Variants in ITGB5 observed in about 807,000 individuals in gnomAD.
ITGB5 encodes the protein integrin beta-5.
A neutral mutation model predicts 84.8 loss-of-function variants in ITGB5; 38 were observed. The ratio of observed to expected loss-of-function variants is 0.45; its 90% CI spans 0.35 to 0.59. ITGB5 has a LOEUF of 0.59. ITGB5 is among the 20% of genes least tolerant of loss of function. The pLI is 0.01. For synonymous variants in ITGB5, 393 were observed against 414.4 expected (o/e 0.95, Z 0.63); for missense variants, 905 against 1,034.5 (o/e 0.87, Z 1.72).
intron 10 of ITGB5, among the ~76,000 whole-genome samples, chr3:124,794,395 A>G (rs1387139256): frequency 1.3e-5 from 2 of 152,218 alleles, no homozygotes; most frequent in Admixed American, 6.5e-5. Context: ...CTTCTGAACC[A>G]CAGTTCTAAA....
chr3:124,838,606 AT>A (rs1054501469), intron 5 of ITGB5, among the ~76,000 whole-genome samples: 131 of 147,278 alleles, frequency 8.9e-4, no homozygotes, highest in Middle Eastern at 3.5e-3. Flanking sequence ...AGTCATTAAA[AT>A]TTTTTTTTTT....
intron 9 of ITGB5, among the ~76,000 whole-genome samples, chr3:124,798,009 T>G (rs907917883): frequency 6.6e-6 from 1 of 151,776 alleles, no homozygotes; most frequent in Non-Finnish European, 1.5e-5. Flanking sequence ...AAAAACCACT[T>G]TCAGCTATTA....
At chr3:124,773,437 G>GTGTT (rs1354417715) in intron 11 of ITGB5, among the ~76,000 whole-genome samples, 3 of 152,216 alleles carry the variant, frequency 2.0e-5, no homozygotes, top group African/African-American at 7.2e-5. Context: ...ATTTCTAAAC[G>GTGTT]TGTTTAGGAA....
intron 1 of ITGB5, among the ~76,000 whole-genome samples, chr3:124,881,084 AG>A (rs1934545531): frequency 6.6e-6 from 1 of 151,778 alleles, no homozygotes; most frequent in African/African-American, 2.4e-5. Flanking sequence ...CCAAAGTTCA[AG>A]CGATCCTCCT....
At chr3:124,781,910 G>A (rs1224974519) in intron 10 of ITGB5, among the ~76,000 whole-genome samples, 3 of 152,192 alleles carry the variant, frequency 2.0e-5, no homozygotes, top group Admixed American at 1.3e-4. Flanking sequence ...CCTGCTGGCT[G>A]TGGGCAGCGG....
chr3:124,796,795 T>G lies in ITGB5; in HGVS notation c.1286A>C (p.Glu429Ala), dbSNP rs1478804009. The G allele has an allele frequency of 6.2e-7, 1 of 1,606,186 alleles. No individual in the cohort carries two copies. Among genetic ancestry groups the G allele is most frequent in the Admixed American group, 1.7e-5 (1 of 59,620 alleles). The part of the protein sequence containing the change: ...GDTASFEVSL[E>A]ARSCPSRHTE... The stretch of plus-strand genomic sequence containing the variant: ...GTGTCTGCTGGGACAGCTTCGGGCC[T>G]CCAATGATACTTCAAAAGATGCCTG... The change falls in exon 10 of 15, where the codon GAG (glutamate) becomes GCG (alanine). Residue 429 changes from glutamate to alanine, a missense_variant. Coordinates refer to ENST00000296181, the MANE Select transcript of ITGB5 (RefSeq NM_002213.5).
intron 3 of ITGB5, among the ~76,000 whole-genome samples, chr3:124,856,668 T>C (rs1389137395): frequency 6.6e-6 from 1 of 152,214 alleles, no homozygotes; most frequent in Non-Finnish European, 1.5e-5. Flanking sequence ...TTTTCTAGAA[T>C]TTCATGTGTT....
chr3:124,788,534 T>C (rs73858837), intron 10 of ITGB5, among the ~76,000 whole-genome samples: 1 of 152,312 alleles, frequency 6.6e-6, no homozygotes, highest in African/African-American at 2.4e-5. Flanking sequence ...TTCCTTATGA[T>C]GAGTTACTGA....
At chr3:124,768,981 CG>C in intron 12 of ITGB5, 31 bp downstream of exon 12, 1 of 1,563,870 alleles carries the variant, frequency 6.4e-7, no homozygotes, top group Non-Finnish European at 8.8e-7. Flanking sequence ...GGAGAAAAAC[CG>C]TGACTGCCCG....
At chr3:124,896,736 GA>G (rs1438930754) in intron 1 of ITGB5, among the ~76,000 whole-genome samples, 8 of 112,398 alleles carry the variant, frequency 7.1e-5, no homozygotes, top group African/African-American at 2.8e-4. Flanking sequence ...CACAGAGTGA[GA>G]CCTTGTCTTA....
At chr3:124,820,596 A>G (rs983330092) in intron 6 of ITGB5, among the ~76,000 whole-genome samples, 3 of 152,138 alleles carry the variant, frequency 2.0e-5, no homozygotes, top group Non-Finnish European at 4.4e-5. Flanking sequence ...TTCTCTAAGG[A>G]AGAAAATTGG....
At chr3:124,862,107 G>A (rs1442165114) in intron 2 of ITGB5, 1 of 152,298 alleles carries the variant, frequency 6.6e-6, no homozygotes, top group Non-Finnish European at 1.5e-5. Flanking sequence ...CTCTGCTAGA[G>A]AATTTCTGAA....
At position 124,821,367 on chromosome 3, in the gene ITGB5, GT is replaced by G; in HGVS notation, c.887del (p.His296ProfsTer7). 2 of 1,614,236 alleles carry G rather than the reference GT, an allele frequency of 1.2e-6. No individual in the cohort carries two copies. Among genetic ancestry groups the G allele is most frequent in the Non-Finnish European group, 8.5e-7 (1 of 1,180,034 alleles). ...DGKLGGLVQP[H>X]DGQCHLNEAN... ...CCTCGTTCAGGTGGCACTGGCCATC[GT>G]GTGGCTGCACCAGGCCTCCCAATTT... On this transcript the variant is annotated frameshift_variant, in exon 6 of 15. Transcript: ENST00000296181. LOFTEE classifies it high-confidence loss of function.
chr3:124,876,355 G>A (rs1934311808), intron 1 of ITGB5, among the ~76,000 whole-genome samples: 1 of 150,636 alleles, frequency 6.6e-6, no homozygotes, highest in Non-Finnish European at 1.5e-5. Flanking sequence ...CCAAAATAGG[G>A]GTTAAAAAAA....
chr3:124,787,942 C>G (rs552243614), intron 10 of ITGB5, among the ~76,000 whole-genome samples: 3 of 138,456 alleles, frequency 2.2e-5, no homozygotes, highest in African/African-American at 8.2e-5. Context: ...GGGTCTTGCT[C>G]TGTTGCCCAG....
At position 124,873,563 on chromosome 3, in the gene ITGB5, T is replaced by A. The variant is rs772340213; in HGVS notation, c.71-32A>T. The A allele has an allele frequency of 9.4e-6, 14 of 1,488,294 alleles. No individual in the cohort carries two copies. The South Asian group carries it at 1.6e-4, about 17-fold the overall frequency. The allele number at this position is 1,488,294 out of a possible 1,614,324, so 92.2% of individuals were successfully genotyped here. On this transcript the variant is annotated intron_variant, in intron 1 of 14. Coordinates refer to ENST00000296181, the MANE Select transcript of ITGB5 (RefSeq NM_002213.5). ...AGCAAGATAAAGATGCACTAATTAGTTCCTGGCTATAAACTTCATGGATCA... is the reference window on the plus strand; with the variant it reads ...AGCAAGATAAAGATGCACTAATTAGATCCTGGCTATAAACTTCATGGATCA...
intron 2 of ITGB5, among the ~76,000 whole-genome samples, chr3:124,871,473 C>T (rs1002388875): frequency 2.0e-5 from 3 of 152,066 alleles, no homozygotes; most frequent in East Asian, 1.9e-4. Context: ...GGATTACAGG[C>T]GTGAGCCACC....
chr3:124,763,662 G>A lies in ITGB5; in HGVS notation c.2361C>T (p.Phe787=), dbSNP rs2063725544. The change falls in exon 15 of 15, where the codon TTC becomes TTT. Residue 787 remains phenylalanine (F), a synonymous_variant. Coordinates refer to ENST00000296181, the MANE Select transcript of ITGB5 (RefSeq NM_002213.5). ...PISTHTVDFT[F]NKFNKSYNGT... is the part of the protein sequence containing the mutation. Reference sequence around the variant, plus strand: ...CATTGTAGGATTTGTTGAACTTGTTGAAGGTGAAGTCCACAGTGTGCGTGG... The same window carrying A: ...CATTGTAGGATTTGTTGAACTTGTTAAAGGTGAAGTCCACAGTGTGCGTGG... 6.2e-7 allele frequency: 1 copy of A among 1,609,242 alleles called. No individual in the cohort carries two copies. Among genetic ancestry groups the A allele is most frequent in the Non-Finnish European group, 8.5e-7 (1 of 1,175,600 alleles).
intron 11 of ITGB5, among the ~76,000 whole-genome samples, chr3:124,771,543 G>A (rs2063843937): frequency 6.6e-6 from 1 of 151,992 alleles, no homozygotes; most frequent in Non-Finnish European, 1.5e-5. Context: ...GAGTTCAGAC[G>A]TTTGAGACCA....
Sources: allele counts gnomAD v4.1 joint callset (sites outside exome capture counted in the v4.1 genomes callset), GRCh38; gene constraint gnomAD v4.1.1; transcripts MANE v1.5; gene names NCBI Gene and HGNC (gene_info 2026-07-23, HGNC 2026-07-21).